The following TTN variants were observed in gnomAD, a reference collection of about 807,000 sequenced individuals.
TTN encodes connectin.
TTN carries 1,525 observed loss-of-function variants against 3,223.0 expected under a neutral mutation model. The observed-to-expected ratio is 0.47, with a 90% CI of 0.45 to 0.49. The LOEUF is 0.49. Among genes scored for constraint, TTN ranks in the 20% least tolerant of loss-of-function variants. The pLI is 0.00. For synonymous variants in TTN, 14,094 were observed against 15,161.0 expected (o/e 0.93, Z 5.17); for missense variants, 40,786 against 43,424.0 (o/e 0.94, Z 5.40).
chr2:178,646,104 T>TCATATA (rs1553761409), intron 216 of TTN, 74 bp from the exon 217 acceptor site: 3 of 37,648 alleles, frequency 8.0e-5, no homozygotes, highest in African/African-American at 2.6e-4. Context: ...TTAATAGAAA[T>TCATATA]TATATATATA....
chr2:178,574,106 C>T lies in TTN; in HGVS notation c.72026G>A (p.Ser24009Asn), dbSNP rs188711353. The change falls in exon 326 of 363, where the codon AGT (serine) becomes AAT (asparagine). Residue 24009 changes from serine to asparagine, a missense_variant. Ser to Asn is a conservative substitution (Grantham distance 46). Coordinates refer to ENST00000589042, the MANE Select transcript of TTN (RefSeq NM_001267550.2). ...AGCATCAGATGGCTCAGATGGTGGACTGATGGCACCTGCAGCATTTTTGGC... is the reference window on the plus strand; with the variant it reads ...AGCATCAGATGGCTCAGATGGTGGATTGATGGCACCTGCAGCATTTTTGGC... Reference protein sequence around the residue: ...VIAKNAAGAISPPSEPSDAIT... With the variant: ...VIAKNAAGAINPPSEPSDAIT... The T allele has an allele frequency of 6.2e-7, 1 of 1,613,604 alleles. No homozygotes were observed. The highest frequency in any genetic ancestry group is 8.5e-7 in the Non-Finnish European group (1 of 1,179,648).
At position 178,576,798 on chromosome 2, in the gene TTN, G is replaced by A. The variant is rs1559465254; in HGVS notation, c.69446C>T (p.Ser23149Leu). Residue 23149 changes from serine (S) to leucine (L), a missense_variant, in exon 325 of 363, where the codon TCA becomes TTA. Physicochemically the swap from Ser to Leu is moderately radical, Grantham distance 145. Coordinates refer to ENST00000589042, the MANE Select transcript of TTN (RefSeq NM_001267550.2). The surrounding 1 kb of genome is among the most constrained non-coding windows in gnomAD (Gnocchi z 4.3). ...PPGPPEKPEVSNVTKNTATVS... is the reference protein window; with the variant it reads ...PPGPPEKPEVLNVTKNTATVS... Reference sequence around the variant, plus strand: ...AGTGGCAGTGTTCTTAGTGACATTTGATACCTCTGGTTTTTCAGGAGGGCC... The same window carrying A: ...AGTGGCAGTGTTCTTAGTGACATTTAATACCTCTGGTTTTTCAGGAGGGCC... 6.2e-7 allele frequency: 1 copy of A among 1,613,130 alleles called. No individual in the cohort carries two copies. The highest frequency in any genetic ancestry group is 2.2e-5 in the East Asian group (1 of 44,774).
chr2:178,637,497 G>T, intron 223 of TTN, 78 bp from the exon 224 acceptor site: 1 of 794,494 alleles, frequency 1.3e-6, no homozygotes, highest in Non-Finnish European at 1.8e-6. Context: ...TGGAGGGTGA[G>T]TCATGCTCCA....
rs2091324218 is a variant in TTN at position 178,770,637 on chromosome 2, T to C, written c.8155A>G (p.Thr2719Ala). 1.2e-6 allele frequency: 2 copies of C among 1,613,814 alleles called. No homozygotes were observed. The highest frequency in any genetic ancestry group is 2.2e-5 in the East Asian group (1 of 44,878). ...IKKTLKNLTV[T>A]ETQDAVFTVE... ...GTGAAAACAGCATCCTGTGTTTCTG[T>C]CACTGTGAGGTTCTTCAGAGTCTTC... is the stretch of plus-strand genomic sequence containing the variant. Residue 2719 changes from threonine to alanine, a missense_variant, in exon 35 of 363, where the codon ACA becomes GCA. Thr to Ala is a moderately conservative substitution (Grantham distance 58). Transcript: ENST00000589042.
chr2:178,639,919 T>C (rs917646189), intron 222 of TTN, 129 bp downstream of exon 222: 108 of 1,438,632 alleles, frequency 7.5e-5, no homozygotes, highest in Non-Finnish European at 9.8e-5. Flanking sequence ...AATAGTATAT[T>C]AAGCATTTTG....
In TTN at chr2:178,581,575, A is replaced by G; in HGVS notation, c.66693T>C (p.Arg22231=). Residue 22231 remains arginine, a synonymous_variant, in exon 316 of 363, where the codon CGT becomes CGC. Transcript: ENST00000589042. Reference sequence around the variant, plus strand: ...ATCCAATCTTATTAACGGCATACACACGGAATTGATATTGTGTGTCTTCCA... The same window carrying G: ...ATCCAATCTTATTAACGGCATACACGCGGAATTGATATTGTGTGTCTTCCA... The part of the protein sequence containing the change: ...GLMEDTQYQF[R]VYAVNKIGYS... 1 of 1,612,632 alleles carries G rather than the reference A, an allele frequency of 6.2e-7. No individual in the cohort carries two copies. The highest frequency in any genetic ancestry group is 8.5e-7 in the Non-Finnish European group (1 of 1,179,134).
At chr2:178,805,373 A>C (rs959111918) in intron 1 of TTN, among the ~76,000 whole-genome samples, 22 of 151,820 alleles carry the variant, frequency 1.4e-4, no homozygotes, top group East Asian at 3.8e-4. Context: ...AATTAAAATA[A>C]ATAAACCTCT....
intron 47 of TTN, chr2:178,747,836 C>G (rs975350594): frequency 6.2e-7 from 1 of 1,612,782 alleles, no homozygotes; most frequent in Non-Finnish European, 8.5e-7. Context: ...TTTTTCTTCT[C>G]CAGAGGCATG....
At chr2:178,604,635 GT>G in intron 281 of TTN, 72 bp downstream of exon 281, 1 of 1,433,128 alleles carries the variant, frequency 7.0e-7, no homozygotes, top group South Asian at 1.4e-5. Context: ...AAATTCCAAG[GT>G]TATATTAAAA....
chr2:178,801,986 ACTTGGTT>A (rs1172470316), intron 3 of TTN, 145 bp downstream of exon 3: 6 of 937,030 alleles, frequency 6.4e-6, no homozygotes, highest in Non-Finnish European at 9.9e-6. Flanking sequence ...AAGGCAAACA[ACTTGGTT>A]ATAAATAATT....
At chr2:178,780,457 C>G (rs184849308) in intron 21 of TTN, among the ~76,000 whole-genome samples, 2 of 152,204 alleles carry the variant, frequency 1.3e-5, no homozygotes, top group African/African-American at 4.8e-5. Context: ...GGATCTACCA[C>G]GGAGGACTTC....
Position 178,782,996 on chromosome 2 carries a change from T to C in TTN, c.2910A>G (p.Pro970=), listed in dbSNP as rs1561365861. The C allele has an allele frequency of 6.2e-7, 1 of 1,614,154 alleles. No homozygotes were observed. The highest frequency in any genetic ancestry group is 8.5e-7 in the Non-Finnish European group (1 of 1,179,986). Residue 970 remains proline (P), a synonymous_variant, in exon 18 of 363, where the codon CCA becomes CCG. Transcript: ENST00000589042. ...CCCTGTACCATGTCACTGTCGGGGA[T>C]GGGTATCCAGAGATGTGGCACTCCA... ...VTLECHISGY[P]SPTVTWYRED...
Position 178,733,630 on chromosome 2 carries a change from C to A in TTN, c.15759G>T (p.Gly5253=). Reference sequence around the variant, plus strand: ...TACACAAACCTTTAACTATTAATTCCCCAACAGATGTTTGGCTTCCAGCTT... The same window carrying A: ...TACACAAACCTTTAACTATTAATTCACCAACAGATGTTTGGCTTCCAGCTT... ...ENEAGSQTSV[G]ELIVKEPAKI... is the part of the protein sequence containing the mutation. The change falls in exon 53 of 363, where the codon GGG becomes GGT. Residue 5253 remains glycine, a synonymous_variant. Transcript: ENST00000589042. 1 of 1,611,782 alleles carries A rather than the reference C, an allele frequency of 6.2e-7. No homozygotes were observed. Among genetic ancestry groups the A allele is most frequent in the Middle Eastern group, 1.7e-4 (1 of 6,042 alleles).
chr2:178,618,015 C>A lies in TTN; in HGVS notation c.47336G>T (p.Trp15779Leu). ...ACCTCCATCATACTCTGGTGGTTCC[C>A]ATGTCAGTGAGACACCAAATCGATT... ...DVNRFGVSLTWEPPEYDGGAE... is the reference protein window; with the variant it reads ...DVNRFGVSLTLEPPEYDGGAE... The change falls in exon 253 of 363, where the codon TGG (tryptophan) becomes TTG (leucine). Residue 15779 changes from tryptophan (W) to leucine (L), a missense_variant. By Grantham distance (61) the Trp-to-Leu change is moderately conservative. Transcript: ENST00000589042. 5 of 1,612,470 alleles carry A rather than the reference C, an allele frequency of 3.1e-6. No individual in the cohort carries two copies. Among genetic ancestry groups the A allele is most frequent in the Non-Finnish European group, 4.2e-6 (5 of 1,179,102 alleles).
At position 178,733,461 on chromosome 2, in the gene TTN, C is replaced by T. The variant is rs754692422; in HGVS notation, c.15832G>A (p.Ala5278Thr). The T allele has an allele frequency of 1.7e-5, 28 of 1,613,630 alleles. No homozygotes were observed. Among genetic ancestry groups the T allele is most frequent in the Admixed American group, 1.2e-4 (7 of 59,994 alleles). ...ELIQVTAGDP[A>T]TLEYTVAGTP... is the part of the protein sequence containing the mutation. ...CCTGCCACTGTGTACTCCAGTGTGGCGGGATCTCCTGCTGTCACCTGGATC... is the reference window on the plus strand; with the variant it reads ...CCTGCCACTGTGTACTCCAGTGTGGTGGGATCTCCTGCTGTCACCTGGATC... Residue 5278 changes from alanine (A) to threonine (T), a missense_variant, in exon 54 of 363, where the codon GCC (alanine) becomes ACC (threonine). By Grantham distance (58) the Ala-to-Thr change is moderately conservative. Coordinates refer to ENST00000589042, the MANE Select transcript of TTN (RefSeq NM_001267550.2).
Position 178,566,982 on chromosome 2 carries a change from A to C in TTN, c.79150T>G (p.Phe26384Val), listed in dbSNP as rs1415195094. 1 of 1,613,496 alleles carries C rather than the reference A, an allele frequency of 6.2e-7. No homozygotes were observed. The highest frequency in any genetic ancestry group is 2.2e-5 in the East Asian group (1 of 44,860). Residue 26384 changes from phenylalanine to valine, a missense_variant, in exon 326 of 363, where the codon TTT (phenylalanine) becomes GTT (valine). By Grantham distance (50) the Phe-to-Val change is conservative (BLOSUM62 -1). Transcript: ENST00000589042. ...CTTTTTGGTGGTCCAGGAAGCACAA[A>C]TGGATTTTTCATTAGTACTGGTGCA... Reference protein sequence around the residue: ...ESAPVLMKNPFVLPGPPKSLE... With the variant: ...ESAPVLMKNPVVLPGPPKSLE...
chr2:178,580,695 A>G (rs986599517), intron 316 of TTN, 86 bp from the exon 317 acceptor site: 15 of 1,279,740 alleles, frequency 1.2e-5, no homozygotes, highest in Non-Finnish European at 1.5e-5. Flanking sequence ...CCTAAAATAC[A>G]TTTATTTTCT....
chr2:178,672,035 C>T lies in TTN; in HGVS notation c.35163G>A (p.Arg11721=), dbSNP rs2154264886. 1.2e-6 allele frequency: 2 copies of T among 1,611,082 alleles called. No individual in the cohort carries two copies. The highest frequency in any genetic ancestry group is 1.7e-6 in the Non-Finnish European group (2 of 1,178,828). Residue 11721 remains arginine, a synonymous_variant, in exon 155 of 363, where the codon AGG becomes AGA. Transcript: ENST00000589042. ...CTTCAGCCTCAAAAACTTCTATTAC[C>T]CTATGAACTTTTTCAACTCTGTGTT... ...EEEHRVEKVH[R]VIEVFEAEEV...
chr2:178,611,156 A>C lies in TTN; in HGVS notation c.50973T>G (p.Asp16991Glu), dbSNP rs968016218. Residue 16991 changes from aspartate to glutamate, a missense_variant, in exon 270 of 363, where the codon GAT becomes GAG. Coordinates refer to ENST00000589042, the MANE Select transcript of TTN (RefSeq NM_001267550.2). ...VPVPTVSWHK[D>E]GKEVKASDRL... ...TATCACTTGCTTTAACTTCTTTGCC[A>C]TCTTTATGCCAACTAACAGTTGGAA... 12 of 1,612,686 alleles carry C rather than the reference A, an allele frequency of 7.4e-6. No individual in the cohort carries two copies. The highest frequency in any genetic ancestry group is 1.0e-5 in the Non-Finnish European group (12 of 1,179,258).
Sources: allele counts gnomAD v4.1 joint callset (sites outside exome capture counted in the v4.1 genomes callset), GRCh38; gene constraint gnomAD v4.1.1; non-coding constraint Gnocchi (gnomAD v3.1); transcripts MANE v1.5; gene names NCBI Gene and HGNC (gene_info 2026-07-23, HGNC 2026-07-21).